The following CTNNA2 variants were observed in gnomAD, a reference collection of about 807,000 sequenced individuals.
The protein encoded by CTNNA2 is catenin alpha-2.
In CTNNA2, 42 loss-of-function variants were observed where a neutral mutation model predicts 101.0. The ratio of observed to expected loss-of-function variants is 0.42; its 90% CI spans 0.32 to 0.54. CTNNA2 has a LOEUF of 0.54. CTNNA2 is among the 20% of genes least tolerant of loss of function. The pLI is 0.14. For missense variants in CTNNA2, 871 were observed against 1,223.1 expected (o/e 0.71, Z 4.29); for synonymous variants, 450 against 456.4 (o/e 0.99, Z 0.18).
chr2:80,246,082 C>T (rs990699547), intron 7 of CTNNA2, among the ~76,000 whole-genome samples: 1 of 152,070 alleles, frequency 6.6e-6, no homozygotes, highest in African/African-American at 2.4e-5. Flanking sequence ...GCGAGATCCA[C>T]CATGCTTGGC....
intron 1 of CTNNA2, among the ~76,000 whole-genome samples, chr2:79,628,992 T>C (rs1379543118): frequency 6.6e-6 from 1 of 152,244 alleles, no homozygotes; most frequent in East Asian, 1.9e-4. Context: ...GCTCTACTGC[T>C]GAAAATTCCA....
intron 18 of CTNNA2, among the ~76,000 whole-genome samples, chr2:80,622,485 C>T (rs1671235509): frequency 6.6e-6 from 1 of 151,834 alleles, no homozygotes; most frequent in African/African-American, 2.4e-5. Flanking sequence ...CAAACAATTT[C>T]CTTGGGCACT....
rs1285823467 is a variant in CTNNA2 at position 79,858,218 on chromosome 2, G to C, written c.465+39G>C. On this transcript the variant is annotated intron_variant, in intron 4 of 18. Coordinates refer to ENST00000402739, the MANE Select transcript of CTNNA2 (RefSeq NM_001282597.3). The stretch of plus-strand genomic sequence containing the variant: ...ACTTATCAAAACTTTCTTTATGTGA[G>C]TGGCAATCTTGACCGTGTGTATTAC... 2.0e-6 allele frequency: 3 copies of C among 1,530,838 alleles called. No individual in the cohort carries two copies. In the African/African-American group the frequency reaches 4.1e-5, roughly 21 times the overall value. 94.8% of individuals were successfully genotyped at this position (1,530,838 alleles called of 1,614,324 possible). A position where few individuals can be genotyped will look rare whatever the true frequency, so the allele number is the denominator to read the frequency against.
intron 4 of CTNNA2, among the ~76,000 whole-genome samples, chr2:79,437,442 C>T (rs1277175285): frequency 6.6e-6 from 1 of 152,114 alleles, no homozygotes; most frequent in East Asian, 1.9e-4. Flanking sequence ...GCCCACGCAC[C>T]ACATTTTGAG....
chr2:79,796,679 C>G (rs1346272279), intron 3 of CTNNA2, among the ~76,000 whole-genome samples: 3 of 152,116 alleles, frequency 2.0e-5, no homozygotes, highest in Non-Finnish European at 2.9e-5. Context: ...TCCAGGGTTT[C>G]AAGCCAAATA....
chr2:80,490,012 A>C (rs768557988), intron 9 of CTNNA2, among the ~76,000 whole-genome samples: 13 of 152,206 alleles, frequency 8.5e-5, no homozygotes, highest in African/African-American at 1.2e-4. Flanking sequence ...GTTAACCTTT[A>C]CAATACCTGT....
At chr2:79,741,602 T>C (rs1034521839) in intron 2 of CTNNA2, among the ~76,000 whole-genome samples, 2 of 152,192 alleles carry the variant, frequency 1.3e-5, no homozygotes, top group African/African-American at 4.8e-5. Flanking sequence ...TTATTTCTGA[T>C]CATATAAATG....
At position 79,730,934 on chromosome 2, in the gene CTNNA2, G is replaced by T. The variant is rs189838683; in HGVS notation, c.103-13453G>T. ...ATAAATCATTTTTATTTGATGCAAT[G>T]AGGTTTATATCCATACTTTCCTGCT... On this transcript the variant is annotated intron_variant, in intron 2 of 18. Transcript: ENST00000402739. 6.4e-4 allele frequency among the ~76,000 whole-genome samples: 97 copies of T among 152,080 alleles called. 2 individuals are homozygous for T. Among genetic ancestry groups the T allele is most frequent in the African/African-American group, 2.2e-3 (92 of 41,536 alleles).
At chr2:79,227,080 G>T (rs79554045) in intron 2 of CTNNA2, among the ~76,000 whole-genome samples, 1 of 152,086 alleles carries the variant, frequency 6.6e-6, no homozygotes, top group East Asian at 1.9e-4. Context: ...ACCTGGGAGG[G>T]TTATCACATT....
intron 7 of CTNNA2, among the ~76,000 whole-genome samples, chr2:80,200,692 C>T (rs905736546): frequency 5.9e-5 from 9 of 151,966 alleles, no homozygotes; most frequent in African/African-American, 9.7e-5. Flanking sequence ...CCTGCCACCA[C>T]GCCCGGCTAA....
At chr2:80,446,929 A>AAC (rs1683121618) in intron 9 of CTNNA2, among the ~76,000 whole-genome samples, 1 of 152,078 alleles carries the variant, frequency 6.6e-6, no homozygotes, top group African/African-American at 2.4e-5. Context: ...TTTGCTTGTT[A>AAC]AAAAAAGAAG....
chr2:79,189,518 C>A (rs1187205154), intron 1 of CTNNA2, among the ~76,000 whole-genome samples: 3 of 152,124 alleles, frequency 2.0e-5, no homozygotes, highest in Non-Finnish European at 1.5e-5. Context: ...GAAGTTGATT[C>A]TGATCATATC....
At chr2:80,468,478 G>A (rs960809952) in intron 9 of CTNNA2, among the ~76,000 whole-genome samples, 2 of 152,052 alleles carry the variant, frequency 1.3e-5, no homozygotes, top group Non-Finnish European at 2.9e-5. Context: ...GAGAGCAGTG[G>A]TGCAATCTCG....
At chr2:79,593,832 A>G (rs968473500) in intron 1 of CTNNA2, among the ~76,000 whole-genome samples, 2 of 151,574 alleles carry the variant, frequency 1.3e-5, no homozygotes, top group African/African-American at 4.9e-5. Flanking sequence ...ATCATTGCTA[A>G]CACATGGTCT....
chr2:80,353,229 T>C (rs1673476625), intron 7 of CTNNA2, among the ~76,000 whole-genome samples: 1 of 151,834 alleles, frequency 6.6e-6, no homozygotes, highest in African/African-American at 2.4e-5. Flanking sequence ...AATAGCAAAG[T>C]AGGTACTGGG....
intron 7 of CTNNA2, among the ~76,000 whole-genome samples, chr2:80,112,667 T>C (rs1219886978): frequency 6.6e-6 from 1 of 152,148 alleles, no homozygotes; most frequent in Non-Finnish European, 1.5e-5. Flanking sequence ...CTGTTAGAAG[T>C]TGTTATATTT....
At chr2:79,831,637 G>C (rs141339083) in intron 3 of CTNNA2, among the ~76,000 whole-genome samples, 7 of 151,042 alleles carry the variant, frequency 4.6e-5, no homozygotes, top group Non-Finnish European at 1.0e-4. Context: ...AGATTGTTGC[G>C]AGGTAATTGG....
At chr2:79,230,741 C>A (rs1485053365) in intron 2 of CTNNA2, among the ~76,000 whole-genome samples, 1 of 152,146 alleles carries the variant, frequency 6.6e-6, no homozygotes, top group Non-Finnish European at 1.5e-5. Context: ...ATGAAAGCAG[C>A]CAAGAGGGAG....
chr2:80,300,281 GGTGTGTGTGTGTGTGTGTGT>G (rs70940079), intron 7 of CTNNA2, among the ~76,000 whole-genome samples: 22 of 93,162 alleles, frequency 2.4e-4, no homozygotes, highest in East Asian at 2.1e-3. Flanking sequence ...GGGGTGTTGG[GGTGTGTGTGTGTGTGTGTGT>G]GTGTGTGTGT....
Sources: allele counts gnomAD v4.1 joint callset (sites outside exome capture counted in the v4.1 genomes callset), GRCh38; gene constraint gnomAD v4.1.1; transcripts MANE v1.5; gene names NCBI Gene and HGNC (gene_info 2026-07-23, HGNC 2026-07-21).